The following DIAPH1 variants were observed in gnomAD, a reference collection of about 807,000 sequenced individuals.
The protein encoded by DIAPH1 is protein diaphanous homolog 1.
Under a neutral mutation model 140.7 loss-of-function variants are expected in DIAPH1, and 46 were observed. The ratio of observed to expected loss-of-function variants is 0.33; its 90% confidence interval spans 0.26 to 0.42. DIAPH1 has a LOEUF of 0.42. Ranked by LOEUF, DIAPH1 falls within the 10% of genes least tolerant of loss-of-function variation. DIAPH1 has a pLI of 1.00. For synonymous variants in DIAPH1, 565 were observed against 551.6 expected (o/e 1.02, Z -0.34); for missense variants, 1,310 against 1,558.7 (o/e 0.84, Z 2.69).
At position 141,618,928 on chromosome 5, in the gene DIAPH1, C is replaced by G. The variant is rs754977500; in HGVS notation, c.-14G>C. The G allele has an allele frequency of 1.1e-5, 16 of 1,455,422 alleles. No individual in the cohort carries two copies. In the South Asian group the frequency reaches 2.1e-4, roughly 19 times the overall value. The allele number at this position is 1,455,422 out of a possible 1,614,324, so 90.2% of individuals were successfully genotyped here. ...GGGCGGCTCCATGTCCCGGTTCACG[C>G]TGGCCGGCGACCCCGCGCCTACGCC... On this transcript the variant is annotated 5_prime_UTR_variant, in exon 1 of 28. Transcript: ENST00000389054.
rs972051315 is a variant in DIAPH1 at position 141,525,088 on chromosome 5, C to T, written c.3575-859G>A. 2.0e-5 allele frequency among the ~76,000 whole-genome samples: 3 copies of T among 152,216 alleles called. 1 individual carries two copies. Among genetic ancestry groups the T allele is most frequent in the Middle Eastern group, 6.8e-3 (2 of 294 alleles). Reference sequence around the variant, plus strand: ...GTACCTGGGGACAAACCCTGGAGTCCCAGGGGAAGGTGAAGGATACTTGGT... The same window carrying T: ...GTACCTGGGGACAAACCCTGGAGTCTCAGGGGAAGGTGAAGGATACTTGGT... On this transcript the variant is annotated intron_variant, in intron 26 of 27. Transcript: ENST00000389054.
chr5:141,526,538 G>C, intron 24 of DIAPH1, 77 bp from the exon 25 acceptor site: 2 of 1,551,696 alleles, frequency 1.3e-6, no homozygotes, highest in Non-Finnish European at 1.8e-6. Context: ...ATTACTCAAA[G>C]ATGAGTACTG....
intron 18 of DIAPH1, chr5:141,564,168 A>G (rs2099894021): frequency 6.6e-6 from 1 of 152,238 alleles, no homozygotes; most frequent in Non-Finnish European, 1.5e-5. Context: ...TATTGCTACT[A>G]TTGAAAATAC....
intron 1 of DIAPH1, among the ~76,000 whole-genome samples, chr5:141,601,884 T>C (rs867027307): frequency 2.0e-5 from 3 of 152,214 alleles, no homozygotes; most frequent in Non-Finnish European, 4.4e-5. Context: ...AGTAATGTCT[T>C]TCCTTATGAA....
intron 18 of DIAPH1, among the ~76,000 whole-genome samples, chr5:141,568,825 A>G (rs2099894743): frequency 6.6e-6 from 1 of 152,182 alleles, no homozygotes; most frequent in East Asian, 1.9e-4. Flanking sequence ...AGAGGAAATA[A>G]TGCAATATGA....
At chr5:141,526,238 C>A in intron 25 of DIAPH1, 59 bp downstream of exon 25, 1 of 1,614,148 alleles carries the variant, frequency 6.2e-7, no homozygotes, top group Non-Finnish European at 8.5e-7. Flanking sequence ...CCAACAGGAA[C>A]CCAGGGGAAA....
At chr5:141,571,213 AACG>A (rs2154596183) in intron 18 of DIAPH1, among the ~76,000 whole-genome samples, 1 of 152,338 alleles carries the variant, frequency 6.6e-6, no homozygotes, top group African/African-American at 2.4e-5. Flanking sequence ...GTGGTAGTTT[AACG>A]GGAAGCAAAC....
chr5:141,558,087 A>C (rs916728389), intron 18 of DIAPH1, among the ~76,000 whole-genome samples: 1 of 152,258 alleles, frequency 6.6e-6, no homozygotes, highest in East Asian at 1.9e-4. Context: ...CTACTTTTGC[A>C]TTTCAAACGA....
intron 1 of DIAPH1, among the ~76,000 whole-genome samples, chr5:141,598,004 T>C (rs2099899583): frequency 6.6e-6 from 1 of 152,164 alleles, no homozygotes. Context: ...TGCCAGATGC[T>C]CAACTGTGGT....
At chr5:141,579,263 A>C (rs2099896394) in intron 8 of DIAPH1, 67 bp from the exon 9 acceptor site, 2 of 1,155,834 alleles carry the variant, frequency 1.7e-6, no homozygotes, top group South Asian at 2.4e-5. Flanking sequence ...ATAATGAGTA[A>C]ATTACACAGG....
chr5:141,521,974 G>A (rs2099886620), intron 27 of DIAPH1, among the ~76,000 whole-genome samples: 1 of 152,136 alleles, frequency 6.6e-6, no homozygotes, highest in South Asian at 2.1e-4. Context: ...ACTTGCTTAG[G>A]ATAACACAGA....
Position 141,618,896 on chromosome 5 carries a change from T to G in DIAPH1, c.19A>C (p.Ser7Arg). The change falls in exon 1 of 28, where the codon AGC (serine) becomes CGC (arginine). Residue 7 changes from serine to arginine, a missense_variant. By Grantham distance (110) the Ser-to-Arg change is moderately radical (BLOSUM62 -1). This residue lies in a region of DIAPH1 where 377 missense variants were observed against 497.1 expected (regional missense o/e 0.76). Transcript: ENST00000389054. MEPPGGSLGPGRGTRDK... is the reference protein window; with the variant it reads MEPPGGRLGPGRGTRDK... Reference sequence around the variant, plus strand: ...CGGGTCCCGCGGCCGGGCCCCAGGCTCCCGCCGGGCGGCTCCATGTCCCGG... The same window carrying G: ...CGGGTCCCGCGGCCGGGCCCCAGGCGCCCGCCGGGCGGCTCCATGTCCCGG... 1 of 1,511,876 alleles carries G rather than the reference T, an allele frequency of 6.6e-7. No homozygotes were observed. Among genetic ancestry groups the G allele is most frequent in the Non-Finnish European group, 8.9e-7 (1 of 1,129,580 alleles). The allele number at this position is 1,511,876 out of a possible 1,614,324, so 93.7% of individuals were successfully genotyped here. A position where few individuals can be genotyped will look rare whatever the true frequency, so the allele number is the denominator to read the frequency against.
At chr5:141,546,916 A>T (rs1472098664) in intron 18 of DIAPH1, among the ~76,000 whole-genome samples, 7 of 152,226 alleles carry the variant, frequency 4.6e-5, no homozygotes, top group Non-Finnish European at 8.8e-5. Flanking sequence ...TTCAGAGAAA[A>T]GTAACATCAT....
In DIAPH1 at chr5:141,516,535, G is replaced by T; in HGVS notation, c.*316C>A. 2.4e-6 allele frequency: 1 copy of T among 416,850 alleles called. No homozygotes were observed. Among genetic ancestry groups the T allele is most frequent in the South Asian group, 2.3e-5 (1 of 43,606 alleles). 25.8% of individuals were successfully genotyped at this position (416,850 alleles called of 1,614,324 possible). A position where few individuals can be genotyped will look rare whatever the true frequency, so the allele number is the denominator to read the frequency against. On this transcript the variant is annotated 3_prime_UTR_variant, in exon 28 of 28. Coordinates refer to ENST00000389054, the MANE Select transcript of DIAPH1 (RefSeq NM_005219.5). Reference sequence around the variant, plus strand: ...GCTGAGAAAAAGCAGGCTGGGCCTTGTCTGAGATGAGGCCCTCTGAGTAAC... The same window carrying T: ...GCTGAGAAAAAGCAGGCTGGGCCTTTTCTGAGATGAGGCCCTCTGAGTAAC...
rs576971896 is a variant in DIAPH1 at position 141,618,492 on chromosome 5, G to A, written c.117+306C>T. On this transcript the variant is annotated intron_variant, in intron 1 of 27. Coordinates refer to ENST00000389054, the MANE Select transcript of DIAPH1 (RefSeq NM_005219.5). ...GTACTGGAGGAAGAAGAAAGGAAGT[G>A]AGGCTGAGAGGGGAGAGACGGGGCT... 19 of 286,370 alleles carry A rather than the reference G, an allele frequency of 6.6e-5. No homozygotes were observed. The East Asian group carries it at 9.3e-4, about 14-fold the overall frequency. The allele number at this position is 286,370 out of a possible 1,614,324, so 17.7% of individuals were successfully genotyped here.
At position 141,516,356 on chromosome 5, in the gene DIAPH1, G is replaced by A. The variant is rs1429299317; in HGVS notation, c.*495C>T. 5.3e-6 allele frequency: 1 copy of A among 189,464 alleles called. No homozygotes were observed. Among genetic ancestry groups the A allele is most frequent in the Non-Finnish European group, 1.1e-5 (1 of 89,020 alleles). 11.7% of individuals were successfully genotyped at this position (189,464 alleles called of 1,614,324 possible). ...CACTAATAATAAATAACCACAGCCA[G>A]GAGAGGGAAGAGCAGAGACAACAGC... On this transcript the variant is annotated 3_prime_UTR_variant, in exon 28 of 28. Coordinates refer to ENST00000389054, the MANE Select transcript of DIAPH1 (RefSeq NM_005219.5).
chr5:141,518,947 T>C (rs1317687667), intron 27 of DIAPH1: 12 of 1,550,624 alleles, frequency 7.7e-6, no homozygotes, highest in Admixed American at 2.0e-5. Flanking sequence ...AGGTTACCAA[T>C]TTAAAGGTCT....
chr5:141,530,031 C>T (rs891995576), intron 19 of DIAPH1, among the ~76,000 whole-genome samples: 3 of 152,128 alleles, frequency 2.0e-5, no homozygotes, highest in African/African-American at 7.2e-5. Context: ...TTGCAGTGAG[C>T]TGTGACCGCA....
intron 27 of DIAPH1, chr5:141,518,529 CTTTT>C (rs35159859): frequency 4.6e-4 from 63 of 138,298 alleles, no homozygotes; most frequent in East Asian, 1.5e-3. Context: ...GATAGCCCGT[CTTTT>C]TTTTTTTTTT....
Sources: allele counts gnomAD v4.1 joint callset (sites outside exome capture counted in the v4.1 genomes callset), GRCh38; gene constraint gnomAD v4.1.1; regional missense constraint gnomAD v4.1.1; transcripts MANE v1.5; gene names NCBI Gene and HGNC (gene_info 2026-07-23, HGNC 2026-07-21).